Variants in OXR1 observed in about 807,000 individuals in gnomAD.
OXR1 encodes the protein oxidation resistance 1.
A neutral mutation model predicts 104.6 loss-of-function variants in OXR1; 41 were observed. The ratio of observed to expected loss-of-function variants is 0.39; its 90% CI spans 0.31 to 0.51. The LOEUF is 0.51. OXR1 is among the 20% of genes least tolerant of loss of function. The probability of loss-of-function intolerance (pLI) is 0.77; values close to 1 mark genes in which losing one functional copy is unlikely to be tolerated. For missense variants in OXR1, 955 were observed against 1,031.9 expected, an observed-to-expected ratio of 0.93 and a Z score of 1.02; for synonymous variants, 348 against 348.4, an observed-to-expected ratio of 1.00 and a Z score of 0.01.
chr8:106,562,240 G>A (rs1256882540), intron 3 of OXR1, among the ~76,000 whole-genome samples: 1 of 152,088 alleles, frequency 6.6e-6, no homozygotes, highest in Non-Finnish European at 1.5e-5. Context: ...AAGGTGAGCG[G>A]AATGGCTATC....
At chr8:106,438,225 T>C (rs942764573) in intron 2 of OXR1, among the ~76,000 whole-genome samples, 1 of 152,062 alleles carries the variant, frequency 6.6e-6, no homozygotes, top group African/African-American at 2.4e-5. Context: ...CCAATTATAT[T>C]CAAATCCAGA....
chr8:106,580,770 T>G (rs1818170463), intron 3 of OXR1, among the ~76,000 whole-genome samples: 1 of 152,210 alleles, frequency 6.6e-6, no homozygotes, highest in Admixed American at 6.5e-5. Context: ...CTTTTTCTTT[T>G]TTTAATGATG....
At chr8:106,567,875 A>G (rs1297654915) in intron 3 of OXR1, among the ~76,000 whole-genome samples, 1 of 152,188 alleles carries the variant, frequency 6.6e-6, no homozygotes, top group Non-Finnish European at 1.5e-5. Context: ...TCATCATTGA[A>G]TAATTTACTA....
intron 2 of OXR1, among the ~76,000 whole-genome samples, chr8:106,425,853 G>A (rs1194482872): frequency 6.6e-6 from 1 of 152,076 alleles, no homozygotes; most frequent in Non-Finnish European, 1.5e-5. Context: ...TATTGGATTG[G>A]GTATGTGGAT....
intron 3 of OXR1, among the ~76,000 whole-genome samples, chr8:106,581,565 T>C (rs1646779062): frequency 6.6e-6 from 1 of 152,266 alleles, no homozygotes; most frequent in Non-Finnish European, 1.5e-5. Flanking sequence ...ATTTTTCTGG[T>C]TTCCAATTCC....
intron 2 of OXR1, among the ~76,000 whole-genome samples, chr8:106,441,630 A>G (rs934982384): frequency 2.0e-5 from 3 of 152,122 alleles, no homozygotes; most frequent in Non-Finnish European, 2.9e-5. Context: ...GAGGTCCTTC[A>G]CATCCCTTGC....
chr8:106,594,258 C>T (rs982934121), intron 3 of OXR1, among the ~76,000 whole-genome samples: 1 of 152,020 alleles, frequency 6.6e-6, no homozygotes, highest in Admixed American at 6.5e-5. Context: ...TCTTCTTAGT[C>T]CCCATTAAAG....
chr8:106,423,470 C>T (rs1031207571), intron 2 of OXR1, among the ~76,000 whole-genome samples: 8 of 152,216 alleles, frequency 5.3e-5, no homozygotes, highest in Non-Finnish European at 1.2e-4. Flanking sequence ...CTAGGTTATA[C>T]TCTAGAAGCA....
chr8:106,334,241 T>A lies in OXR1; in HGVS notation c.-138-25235T>A, dbSNP rs183632076. 2.7e-3 allele frequency among the ~76,000 whole-genome samples: 406 copies of A among 152,336 alleles called. 9 individuals are homozygous for A. The highest frequency in any genetic ancestry group is 0.024 in the Admixed American group (372 of 15,302). On this transcript the variant is annotated intron_variant, in intron 1 of 16. Coordinates refer to ENST00000517566, the MANE Select transcript of OXR1 (RefSeq NM_001198533.2). ...TTGCTATTTTAAATGAAGTTTTTTT[T>A]AAATTTAATTTACAGTTTGTTCATT... is the stretch of plus-strand genomic sequence containing the variant.
chr8:106,284,622 A>G (rs2130006033), intron 1 of OXR1, among the ~76,000 whole-genome samples: 1 of 152,296 alleles, frequency 6.6e-6, no homozygotes, highest in East Asian at 1.9e-4. Context: ...TACATATACA[A>G]CATTACAAAT....
At chr8:106,374,379 G>T (rs1483115187) in intron 2 of OXR1, among the ~76,000 whole-genome samples, 2 of 152,082 alleles carry the variant, frequency 1.3e-5, no homozygotes, top group Non-Finnish European at 2.9e-5. Context: ...TCCTACTGAT[G>T]GGTCAGACAA....
chr8:106,702,993 T>G lies in OXR1; in HGVS notation c.763T>G (p.Cys255Gly). The stretch of plus-strand genomic sequence containing the variant: ...TGACCCTTTGGTTCAAGAGAATGGC[T>G]GTGAGGAATATGGCATCATGTGTCC... ...KNDPLVQENGCEEYGIMCPME... is the reference protein window; with the variant it reads ...KNDPLVQENGGEEYGIMCPME... The change falls in exon 8 of 17, where the codon TGT becomes GGT. Residue 255 changes from cysteine (C) to glycine (G), a missense_variant. Transcript: ENST00000517566. 2 of 1,613,640 alleles carry G rather than the reference T, an allele frequency of 1.2e-6. No homozygotes were observed. The highest frequency in any genetic ancestry group is 1.7e-6 in the Non-Finnish European group (2 of 1,179,604).
At position 106,326,326 on chromosome 8, in the gene OXR1, G is replaced by T. The variant is rs564766249; in HGVS notation, c.-138-33150G>T. Among the ~76,000 whole-genome samples, 9 of 152,274 alleles carry T rather than the reference G, an allele frequency of 5.9e-5. No homozygotes were observed. The South Asian group carries it at 1.7e-3, about 28-fold the overall frequency. ...ATACTCTGGTTAGGTAAATTTTCTC[G>T]TGTTTACATGGATCTTAAATGTTAA... On this transcript the variant is annotated intron_variant, in intron 1 of 16. Transcript: ENST00000517566.
chr8:106,400,562 C>A (rs1466964852), intron 2 of OXR1, among the ~76,000 whole-genome samples: 1 of 151,996 alleles, frequency 6.6e-6, no homozygotes, highest in Non-Finnish European at 1.5e-5. Context: ...TATTTTTAAA[C>A]TTTTATTTTT....
chr8:106,655,503 C>T (rs2126581), intron 3 of OXR1, among the ~76,000 whole-genome samples: 89,085 of 151,738 alleles, frequency 0.59, 26,728 homozygotes, highest in African/African-American at 0.72. Context: ...AAAAGAAAAT[C>T]TGGAAGAAAG....
intron 1 of OXR1, among the ~76,000 whole-genome samples, chr8:106,284,854 T>C (rs568841130): frequency 6.6e-6 from 1 of 152,324 alleles, no homozygotes; most frequent in East Asian, 1.9e-4. Context: ...TTGCTTGCTA[T>C]TGCCATAGCT....
intron 2 of OXR1, among the ~76,000 whole-genome samples, chr8:106,411,275 G>A (rs1436019927): frequency 1.3e-5 from 2 of 152,132 alleles, no homozygotes; most frequent in Non-Finnish European, 2.9e-5. Context: ...GAGAAGGCTG[G>A]ATGATAAGGA....
intron 3 of OXR1, among the ~76,000 whole-genome samples, chr8:106,553,184 C>T (rs1815996940): frequency 6.7e-6 from 1 of 149,370 alleles, no homozygotes; most frequent in Admixed American, 6.8e-5. Context: ...TGCACATGTA[C>T]CCTAAAACTT....
intron 1 of OXR1, among the ~76,000 whole-genome samples, chr8:106,322,868 C>T (rs1199098544): frequency 6.6e-6 from 1 of 152,046 alleles, no homozygotes; most frequent in Non-Finnish European, 1.5e-5. Flanking sequence ...ACAAAACACT[C>T]CTCAAAGAAA....
Sources: allele counts gnomAD v4.1 joint callset (sites outside exome capture counted in the v4.1 genomes callset), GRCh38; gene constraint gnomAD v4.1.1; transcripts MANE v1.5; gene names NCBI Gene and HGNC (gene_info 2026-07-23, HGNC 2026-07-21).